The following OPA1 variants were observed in gnomAD, a reference collection of about 807,000 sequenced individuals.
The protein encoded by OPA1 is dynamin-like GTPase OPA1, mitochondrial.
A neutral mutation model predicts 152.9 loss-of-function variants in OPA1; 59 were observed. The observed-to-expected ratio is 0.39, with a 90% CI of 0.31 to 0.48. The LOEUF is 0.48. Ranked by LOEUF, OPA1 falls within the 20% of genes least tolerant of loss-of-function variation. The pLI is 0.96. For missense variants in OPA1, 1,008 were observed against 1,216.8 expected, an observed-to-expected ratio of 0.83 and a Z score of 2.55; for synonymous variants, 400 against 389.9, an observed-to-expected ratio of 1.03 and a Z score of -0.31.
At chr3:193,657,698 A>G (rs1201970191) in intron 23 of OPA1, among the ~76,000 whole-genome samples, 1 of 152,194 alleles carries the variant, frequency 6.6e-6, no homozygotes, top group Non-Finnish European at 1.5e-5. Flanking sequence ...GCATTATTTG[A>G]TTTAATTCTT....
At chr3:193,641,536 T>TA (rs1733786808) in intron 11 of OPA1, among the ~76,000 whole-genome samples, 1 of 152,210 alleles carries the variant, frequency 6.6e-6, no homozygotes, top group Non-Finnish European at 1.5e-5. Flanking sequence ...GACTACTTAA[T>TA]AACTCGGAAT....
At chr3:193,688,668 T>C (rs1177514149) in intron 29 of OPA1, among the ~76,000 whole-genome samples, 1 of 151,968 alleles carries the variant, frequency 6.6e-6, no homozygotes, top group Non-Finnish European at 1.5e-5. Flanking sequence ...CACTATGAGC[T>C]TTGTTATTAT....
chr3:193,642,562 A>G (rs1488196041), intron 11 of OPA1, among the ~76,000 whole-genome samples: 1 of 152,214 alleles, frequency 6.6e-6, no homozygotes, highest in East Asian at 1.9e-4. Flanking sequence ...AACATATATG[A>G]CATATATACA....
chr3:193,663,629 C>A (rs1715835314), intron 26 of OPA1, among the ~76,000 whole-genome samples: 1 of 152,054 alleles, frequency 6.6e-6, no homozygotes. Flanking sequence ...CTTAAGTGAA[C>A]ACAATTAGAA....
At chr3:193,646,172 A>G (rs1734573421) in intron 18 of OPA1, among the ~76,000 whole-genome samples, 1 of 152,202 alleles carries the variant, frequency 6.6e-6, no homozygotes, top group African/African-American at 2.4e-5. Context: ...GTTGTCGAAG[A>G]AGTATCCCTA....
chr3:193,639,259 A>G (rs1733396298), intron 11 of OPA1, among the ~76,000 whole-genome samples: 2 of 152,212 alleles, frequency 1.3e-5, no homozygotes, highest in Admixed American at 1.3e-4. Context: ...AATGGAGGGT[A>G]TGTTCTAGTA....
chr3:193,659,631 T>A, intron 25 of OPA1, 70 bp downstream of exon 25: 1 of 1,257,122 alleles, frequency 8.0e-7, no homozygotes, highest in Non-Finnish European at 1.1e-6. Context: ...CATTAAAATA[T>A]AACCTTTTTG....
In OPA1 at chr3:193,614,815, A is replaced by G; in HGVS notation, c.125A>G (p.His42Arg). 1 of 1,606,566 alleles carries G rather than the reference A, an allele frequency of 6.2e-7. No individual in the cohort carries two copies. The highest frequency in any genetic ancestry group is 8.5e-7 in the Non-Finnish European group (1 of 1,173,272). The change falls in exon 2 of 31, where the codon CAT becomes CGT. Residue 42 changes from histidine to arginine, a missense_variant. Transcript: ENST00000361510. ...KLHLVSRSIY[H>R]SHHPTLKLQR... ...CATCTGGTTTCACGAAGCATTTATC[A>G]TTCACATCATCCTACCTTAAAGCTT...
chr3:193,676,784 T>A (rs558311841), intron 29 of OPA1, among the ~76,000 whole-genome samples: 1 of 152,054 alleles, frequency 6.6e-6, no homozygotes, highest in South Asian at 2.1e-4. Context: ...ATCCAGACCA[T>A]CCTGGCTAAC....
At chr3:193,625,175 T>A (rs1367735204) in intron 6 of OPA1, among the ~76,000 whole-genome samples, 1 of 152,138 alleles carries the variant, frequency 6.6e-6, no homozygotes, top group Non-Finnish European at 1.5e-5. Context: ...GGAAATGACA[T>A]CATGCCACAT....
At chr3:193,674,741 T>A (rs1290012253) in intron 29 of OPA1, among the ~76,000 whole-genome samples, 3 of 152,148 alleles carry the variant, frequency 2.0e-5, no homozygotes, top group African/African-American at 7.2e-5. Context: ...TTCCGACACT[T>A]CTCCCATACC....
chr3:193,666,707 T>C (rs2109272071), intron 28 of OPA1, among the ~76,000 whole-genome samples: 1 of 152,270 alleles, frequency 6.6e-6, no homozygotes. Flanking sequence ...GAGGATCACT[T>C]GAGCCCTAGG....
chr3:193,650,056 G>A (rs556963955), intron 21 of OPA1, among the ~76,000 whole-genome samples: 25 of 152,256 alleles, frequency 1.6e-4, no homozygotes, highest in African/African-American at 5.8e-4. Context: ...AGAAAATGTG[G>A]TCCTTCTATA....
In OPA1 at chr3:193,664,971, A is replaced by G; in HGVS notation, c.2753A>G (p.Tyr918Cys). 2 of 1,597,852 alleles carry G rather than the reference A, an allele frequency of 1.3e-6. No individual in the cohort carries two copies. Among genetic ancestry groups the G allele is most frequent in the African/African-American group, 1.3e-5 (1 of 74,682 alleles). The part of the protein sequence containing the change: ...CNLCRRGFYY[Y>C]QRHFVDSELE... ...CTTTGTCGAAGAGGTTTTTATTACT[A>G]CCAAAGGCATTTTGTAGATTCTGAG... The change falls in exon 27 of 31, where the codon TAC becomes TGC. Residue 918 changes from tyrosine to cysteine, a missense_variant. By Grantham distance (194) the Tyr-to-Cys change is radical (BLOSUM62 -2). Coordinates refer to ENST00000361510, the MANE Select transcript of OPA1 (RefSeq NM_130837.3).
Position 193,615,751 on chromosome 3 carries a change from T to G in OPA1, c.429T>G (p.Ile143Met). ...TTGTGCCTGACATTGTGTGGGAAAT[T>G]GATGAGTATATCGATTTTGGTTTGT... ...KWIVPDIVWEIDEYIDFEKIR... is the reference protein window; with the variant it reads ...KWIVPDIVWEMDEYIDFEKIR... Residue 143 changes from isoleucine (I) to methionine (M), a missense_variant, in exon 3 of 31, where the codon ATT becomes ATG. Physicochemically the swap from Ile to Met is conservative, Grantham distance 10. Transcript: ENST00000361510. 4 of 1,606,484 alleles carry G rather than the reference T, an allele frequency of 2.5e-6. No homozygotes were observed. The highest frequency in any genetic ancestry group is 3.4e-6 in the Non-Finnish European group (4 of 1,173,112).
chr3:193,638,685 A>G (rs562420814), intron 11 of OPA1, among the ~76,000 whole-genome samples: 3 of 152,376 alleles, frequency 2.0e-5, no homozygotes, highest in Admixed American at 6.5e-5. Context: ...TCTTCGGCCA[A>G]CAACTTTTTG....
Position 193,697,428 on chromosome 3 carries a change from C to A in OPA1, c.*2828C>A, listed in dbSNP as rs186345383. 15 of 152,266 alleles carry A rather than the reference C, an allele frequency of 9.9e-5. No homozygotes were observed. The East Asian group carries it at 2.7e-3, about 27-fold the overall frequency. 9.4% of individuals were successfully genotyped at this position (152,266 alleles called of 1,614,324 possible). A position where few individuals can be genotyped will look rare whatever the true frequency, so the allele number is the denominator to read the frequency against. ...TGAACTTTGTATTATTTTTTTAAAA[C>A]CTTCACATTACGTGTAGATATTATT... is the stretch of plus-strand genomic sequence containing the variant. On this transcript the variant is annotated 3_prime_UTR_variant, in exon 31 of 31. Transcript: ENST00000361510.
Position 193,648,120 on chromosome 3 carries a change from CG to C in OPA1, c.1924del (p.Glu642AsnfsTer22). On this transcript the variant is annotated frameshift_variant, in exon 20 of 31. Coordinates refer to ENST00000361510, the MANE Select transcript of OPA1 (RefSeq NM_130837.3). LOFTEE classifies it high-confidence loss of function. ...TEWKNNYPRL[R>X]ELDRNELFEK... ...ATGGAAGAATAACTATCCTCGCCTG[CG>C]GGAACTTGACCGGGTAATATTTGGA... 1 of 1,611,456 alleles carries C rather than the reference CG, an allele frequency of 6.2e-7. No homozygotes were observed. The highest frequency in any genetic ancestry group is 8.5e-7 in the Non-Finnish European group (1 of 1,177,646).
intron 29 of OPA1, among the ~76,000 whole-genome samples, chr3:193,690,231 G>A (rs1185756891): frequency 1.3e-5 from 2 of 151,166 alleles, no homozygotes; most frequent in African/African-American, 2.4e-5. Context: ...TTATATATAA[G>A]GGGTTAATGC....
Sources: allele counts gnomAD v4.1 joint callset (sites outside exome capture counted in the v4.1 genomes callset), GRCh38; gene constraint gnomAD v4.1.1; transcripts MANE v1.5; gene names NCBI Gene and HGNC (gene_info 2026-07-23, HGNC 2026-07-21).